Variants in CORO7 observed in about 807,000 individuals in gnomAD.
The protein encoded by CORO7 is coronin 7.
CORO7 carries 107 observed loss-of-function variants against 126.6 expected under a neutral mutation model. The observed-to-expected ratio is 0.85, with a 90% CI of 0.72 to 0.99. The LOEUF (loss-of-function observed/expected upper bound fraction) is 0.99, where lower values mean the gene tolerates loss of function less well. Ranked by LOEUF, CORO7 falls within the 50% of genes least tolerant of loss-of-function variation. The probability of loss-of-function intolerance (pLI) is 0.00; values close to 1 mark genes in which losing one functional copy is unlikely to be tolerated. For missense variants in CORO7, 1,314 were observed against 1,255.8 expected (o/e 1.05, Z -0.70); for synonymous variants, 603 against 536.8 (o/e 1.12, Z -1.70).
intron 25 of CORO7, chr16:4,357,690 G>A (rs1367806966): frequency 1.2e-5 from 6 of 481,132 alleles, no homozygotes; most frequent in African/African-American, 2.0e-5. Flanking sequence ...GATCTAAGAG[G>A]TGGTATTAAC....
chr16:4,357,350 TCTTTC>T lies in CORO7; in HGVS notation c.2594-96_2594-92del. ...CGGGGATTTCTTTCTTTCTTTTCTT[TCTTTC>T]TTTTTTTTTTTTTTTTTTTGAGATG... On this transcript the variant is annotated intron_variant, in intron 25 of 27. Transcript: ENST00000251166. The T allele has an allele frequency of 1.9e-5, 23 of 1,232,082 alleles. No individual in the cohort carries two copies. In the African/African-American group the frequency reaches 2.0e-4, roughly 11 times the overall value. 76.3% of individuals were successfully genotyped at this position (1,232,082 alleles called of 1,614,324 possible). A position where few individuals can be genotyped will look rare whatever the true frequency, so the allele number is the denominator to read the frequency against.
intron 9 of CORO7, among the ~76,000 whole-genome samples, chr16:4,376,673 GGTGGGC>G (rs2054742981): frequency 6.6e-6 from 1 of 152,146 alleles, no homozygotes; most frequent in African/African-American, 2.4e-5. Context: ...CCCAGAGGTG[GGTGGGC>G]GTCCCCCTGG....
At position 4,361,195 on chromosome 16, in the gene CORO7, C is replaced by G; in HGVS notation, c.1741G>C (p.Glu581Gln). 1 of 1,612,358 alleles carries G rather than the reference C, an allele frequency of 6.2e-7. No individual in the cohort carries two copies. The highest frequency in any genetic ancestry group is 8.5e-7 in the Non-Finnish European group (1 of 1,180,006). ...LWRVPAEGLEEVLTTPETVLT... is the reference protein window; with the variant it reads ...LWRVPAEGLEQVLTTPETVLT... ...ACAGTCTCTGGCGTGGTGAGCACCT[C>G]TTCCAGGCCCTCTGCGGGTACCCGC... Residue 581 changes from glutamate (E) to glutamine (Q), a missense_variant, in exon 18 of 28, where the codon GAG (glutamate) becomes CAG (glutamine). Coordinates refer to ENST00000251166, the MANE Select transcript of CORO7 (RefSeq NM_024535.5).
intron 10 of CORO7, 23 bp from the exon 11 acceptor site, chr16:4,365,083 C>A (rs780222476): frequency 7.0e-6 from 11 of 1,582,438 alleles, no homozygotes; most frequent in Non-Finnish European, 9.4e-6. Flanking sequence ...TGAACTGAGC[C>A]CCGTTTGCTG....
intron 9 of CORO7, chr16:4,382,529 G>T: frequency 6.3e-7 from 1 of 1,593,532 alleles, no homozygotes; most frequent in East Asian, 2.3e-5. Context: ...GAGGCCTGCG[G>T]GGAGGCCCAT....
rs960773115 is a variant in CORO7 at position 4,381,142 on chromosome 16, G to T, written c.785+6844C>A. ...CCTGGACCTGTCACAGAACCAGATCGCCAGCCTGCCCAGCGGGGTCTTCCA... is the reference window on the plus strand; with the variant it reads ...CCTGGACCTGTCACAGAACCAGATCTCCAGCCTGCCCAGCGGGGTCTTCCA... On this transcript the variant is annotated intron_variant, in intron 9 of 27. Transcript: ENST00000251166. The T allele has an allele frequency of 6.8e-6, 11 of 1,610,066 alleles. No individual in the cohort carries two copies. The highest frequency in any genetic ancestry group is 2.7e-5 in the African/African-American group (2 of 74,884).
At chr16:4,360,153 A>C in intron 21 of CORO7, 125 bp downstream of exon 21, 1 of 1,243,812 alleles carries the variant, frequency 8.0e-7, no homozygotes, top group Admixed American at 2.0e-5. Context: ...TCATCTACCC[A>C]CCCACCCAAC....
At chr16:4,416,413 G>T in intron 1 of CORO7, 46 bp downstream of exon 1, 1 of 1,518,154 alleles carries the variant, frequency 6.6e-7, no homozygotes. Flanking sequence ...AGGGGCAGCC[G>T]GACGGGGCCC....
intron 7 of CORO7, among the ~76,000 whole-genome samples, chr16:4,391,688 G>A (rs971641972): frequency 3.3e-5 from 5 of 152,238 alleles, no homozygotes; most frequent in African/African-American, 7.2e-5. Context: ...CCGTGTTGGC[G>A]CCACTGCACT....
At chr16:4,381,948 A>G in intron 9 of CORO7, 1 of 1,608,490 alleles carries the variant, frequency 6.2e-7, no homozygotes, top group South Asian at 1.1e-5. Context: ...CCACAGCCAC[A>G]GTGCCCACCA....
intron 9 of CORO7, among the ~76,000 whole-genome samples, chr16:4,377,772 CCTCCCTT>C (rs1166645221): frequency 6.6e-6 from 1 of 152,210 alleles, no homozygotes; most frequent in East Asian, 1.9e-4. Context: ...CCTCCTCCCT[CCTCCCTT>C]TGATGTGGGG....
At chr16:4,387,169 C>G (rs2055220866) in intron 9 of CORO7, among the ~76,000 whole-genome samples, 1 of 152,022 alleles carries the variant, frequency 6.6e-6, no homozygotes, top group Non-Finnish European at 1.5e-5. Flanking sequence ...CTGGCTACGT[C>G]TCTGAACACC....
chr16:4,380,390 A>T (rs1395412392), intron 9 of CORO7, among the ~76,000 whole-genome samples: 1 of 152,220 alleles, frequency 6.6e-6, no homozygotes, highest in Non-Finnish European at 1.5e-5. Context: ...TCCTCCAAGG[A>T]GGGCGGGACA....
In CORO7 at chr16:4,404,139, T is replaced by A. The variant is rs373115559; in HGVS notation, c.564+1352A>T. Among the ~76,000 whole-genome samples, 8 of 152,186 alleles carry A rather than the reference T, an allele frequency of 5.3e-5. No individual in the cohort carries two copies. In the South Asian group the frequency reaches 1.2e-3, roughly 24 times the overall value. On this transcript the variant is annotated intron_variant, in intron 6 of 27. Coordinates refer to ENST00000251166, the MANE Select transcript of CORO7 (RefSeq NM_024535.5). ...TACAGAAAAGAAAGTTAGACTAGGG[T>A]CCCTCCAAGTATGCAGAGCCCTGGG...
At chr16:4,407,429 A>G in intron 5 of CORO7, 72 bp downstream of exon 5, 1 of 1,504,736 alleles carries the variant, frequency 6.6e-7, no homozygotes, top group South Asian at 1.2e-5. Flanking sequence ...GTGACTAAAC[A>G]TGCCAACAAA....
At position 4,360,348 on chromosome 16, in the gene CORO7, T is replaced by C. The variant is rs2054123821; in HGVS notation, c.2038A>G (p.Lys680Glu). 1.2e-6 allele frequency: 2 copies of C among 1,613,636 alleles called. No homozygotes were observed. The highest frequency in any genetic ancestry group is 1.7e-6 in the Non-Finnish European group (2 of 1,179,980). Residue 680 changes from lysine to glutamate, a missense_variant, in exon 21 of 28, where the codon AAG becomes GAG. Lys to Glu is a moderately conservative substitution (Grantham distance 56, BLOSUM62 1). Coordinates refer to ENST00000251166, the MANE Select transcript of CORO7 (RefSeq NM_024535.5). ...PEPLQEGPGP[K>E]GGRGARIVWV... ...ACAATGCGAGCTCCGCGTCCTCCCT[T>C]GGGCCCTGGGCCTTCCTGTTGAGAT...
intron 9 of CORO7, chr16:4,382,625 C>A: frequency 6.4e-7 from 1 of 1,571,740 alleles, no homozygotes; most frequent in Non-Finnish European, 8.6e-7. Context: ...CCCGCCCTGG[C>A]CGCGGTGCTC....
Position 4,358,161 on chromosome 16 carries a change from G to A in CORO7, c.2458-58C>T, listed in dbSNP as rs1405271153. On this transcript the variant is annotated intron_variant, in intron 24 of 27. Transcript: ENST00000251166. Reference sequence around the variant, plus strand: ...TTGACCAGGTGCCCAGGGCACACGGGCATCTGTTGGGGAGGGACAGGGCAA... The same window carrying A: ...TTGACCAGGTGCCCAGGGCACACGGACATCTGTTGGGGAGGGACAGGGCAA... 4 of 1,579,616 alleles carry A rather than the reference G, an allele frequency of 2.5e-6. No homozygotes were observed. The Admixed American group carries it at 6.8e-5, about 27-fold the overall frequency.
intron 25 of CORO7, 198 bp downstream of exon 25, chr16:4,357,770 G>C (rs1438518926): frequency 5.7e-6 from 5 of 877,972 alleles, no homozygotes; most frequent in Non-Finnish European, 3.4e-6. Flanking sequence ...TGTGTGTTAG[G>C]GGTGGGGACC....
Sources: gnomAD v4.1 joint callset for allele counts (sites outside exome capture counted in the v4.1 genomes callset) on GRCh38, gnomAD v4.1.1 for gene constraint, MANE v1.5 for transcripts, NCBI Gene and HGNC (gene_info 2026-07-23, HGNC 2026-07-21) for gene names.